The following IGFALS variants were observed in gnomAD, a reference collection of about 807,000 sequenced individuals.
IGFALS encodes the protein insulin-like growth factor-binding protein complex acid labile subunit.
A neutral mutation model predicts 2.6 loss-of-function variants in IGFALS; 2 were observed. That is an observed-to-expected ratio of 0.77 (90% CI 0.32 to 2.44). The LOEUF is 2.44. Among genes scored for constraint, IGFALS ranks in the 30% most tolerant of loss-of-function variants. IGFALS has a pLI of 0.11. For missense variants in IGFALS, 996 were observed against 848.7 expected (o/e 1.17, Z -2.16); for synonymous variants, 519 against 431.9 (o/e 1.20, Z -2.50).
Position 1,792,130 on chromosome 16 carries a change from G to A in IGFALS, c.288C>T (p.Asn96=), listed in dbSNP as rs139691478. 1 of 1,611,528 alleles carries A rather than the reference G, an allele frequency of 6.2e-7. No homozygotes were observed. The highest frequency in any genetic ancestry group is 8.5e-7 in the Non-Finnish European group (1 of 1,179,652). The change falls in exon 2 of 2, where the codon AAC becomes AAT. Residue 96 remains asparagine, a synonymous_variant. Coordinates refer to ENST00000215539, the MANE Select transcript of IGFALS (RefSeq NM_004970.3). ...GGTTGAGGAAGCCCAGGCTGGAGAGGTTCTGGAAGGCTGCCGGGGGGACGG... is the reference window on the plus strand; with the variant it reads ...GGTTGAGGAAGCCCAGGCTGGAGAGATTCTGGAAGGCTGCCGGGGGGACGG... The part of the protein sequence containing the change: ...LSSVPPAAFQ[N]LSSLGFLNLQ...
At chr16:1,793,733 C>T, upstream of IGFALS, 1 of 1,434,378 alleles carries the variant, frequency 7.0e-7, no homozygotes, top group Admixed American at 2.0e-5. Flanking sequence ...TCTGGATTTC[C>T]CCACTGCGGG....
Position 1,792,405 on chromosome 16 carries a change from C to CG in IGFALS, c.17-5dup, listed in dbSNP as rs532488155. On this transcript the variant is annotated splice_polypyrimidine_tract_variant and splice_region_variant and intron_variant, in intron 1 of 1. Coordinates refer to ENST00000215539, the MANE Select transcript of IGFALS (RefSeq NM_004970.3). ...AGCAGCGCCAGGGCCAGGCCTCCTG[C>CG]GGGGGGAGAGGCTTGGGGAGGCGGC... The CG allele has an allele frequency of 4.3e-4, 663 of 1,559,178 alleles. 6 individuals are homozygous for CG. In the African/African-American group the frequency reaches 8.0e-3, roughly 19 times the overall value.
chr16:1,794,465 C>T (rs552914177), upstream of IGFALS, among the ~76,000 whole-genome samples: 6 of 152,278 alleles, frequency 3.9e-5, no homozygotes, highest in Admixed American at 1.3e-4. Flanking sequence ...CCCCAAGGCT[C>T]TGGTGAGGGC....
intron 1 of IGFALS, 154 bp from the exon 2 acceptor site, chr16:1,792,555 G>C (rs771310019): frequency 8.7e-6 from 12 of 1,387,052 alleles, no homozygotes; most frequent in Non-Finnish European, 1.1e-5. Context: ...CAGGTCCTCC[G>C]GCTCAAAAGC....
chr16:1,792,651 T>G, intron 1 of IGFALS: 1 of 536,714 alleles, frequency 1.9e-6, no homozygotes, highest in Non-Finnish European at 2.9e-6. Flanking sequence ...TCTCCAGCTG[T>G]GCGCAGGCCA....
intron 1 of IGFALS, among the ~76,000 whole-genome samples, chr16:1,793,164 C>T (rs1401073076): frequency 6.6e-6 from 1 of 152,206 alleles, no homozygotes; most frequent in East Asian, 1.9e-4. Context: ...GGTGGGGCCC[C>T]CCCGACTGCC....
In IGFALS at chr16:1,790,878, T is replaced by G. The variant is rs767665168; in HGVS notation, c.1540A>C (p.Arg514=). The G allele has an allele frequency of 6.4e-7, 1 of 1,570,736 alleles. No homozygotes were observed. The highest frequency in any genetic ancestry group is 8.6e-7 in the Non-Finnish European group (1 of 1,160,846). ...GTGAAGGTCCGCAGTGAGTTGTTCC[T>G]GAGGCTGAGGTAGCGCAGCCGCCCC... ...PLGRLRYLSL[R]NNSLRTFTPQ... is the part of the protein sequence containing the mutation. The change falls in exon 2 of 2, where the codon AGG becomes CGG. Residue 514 remains arginine (R), a synonymous_variant. Transcript: ENST00000215539.
At chr16:1,792,772 G>A (rs935982946) in intron 1 of IGFALS, among the ~76,000 whole-genome samples, 10 of 152,258 alleles carry the variant, frequency 6.6e-5, no homozygotes, top group African/African-American at 2.4e-4. Context: ...AGGAAGGGGA[G>A]GGAACTGAGC....
chr16:1,790,650 C>T lies in IGFALS; in HGVS notation c.1768G>A (p.Val590Met), dbSNP rs752241793. 5.6e-6 allele frequency: 9 copies of T among 1,593,140 alleles called. No homozygotes were observed. Among genetic ancestry groups the T allele is most frequent in the East Asian group, 2.3e-5 (1 of 43,786 alleles). Reference sequence around the variant, plus strand: ...CTGAGGTCCCGCAGGTCGAGCCCCACGACCTCGGGCGGGCTGGCACAGGTG... The same window carrying T: ...CTGAGGTCCCGCAGGTCGAGCCCCATGACCTCGGGCGGGCTGGCACAGGTG... ...NITCASPPEV[V>M]GLDLRDLSEA... The change falls in exon 2 of 2, where the codon GTG becomes ATG. Residue 590 changes from valine to methionine, a missense_variant. Val to Met is a conservative substitution (Grantham distance 21). Coordinates refer to ENST00000215539, the MANE Select transcript of IGFALS (RefSeq NM_004970.3).
In IGFALS at chr16:1,790,925, G is replaced by A. The variant is rs747856531; in HGVS notation, c.1493C>T (p.Pro498Leu). The A allele has an allele frequency of 1.0e-5, 16 of 1,592,122 alleles. No individual in the cohort carries two copies. The highest frequency in any genetic ancestry group is 1.4e-5 in the Non-Finnish European group (16 of 1,175,824). The change falls in exon 2 of 2, where the codon CCC becomes CTC. Residue 498 changes from proline (P) to leucine (L), a missense_variant. Physicochemically the swap from Pro to Leu is moderately conservative, Grantham distance 98. Coordinates refer to ENST00000215539, the MANE Select transcript of IGFALS (RefSeq NM_004970.3). ...DVSHNRLEAL[P>L]NSLLAPLGRL... The stretch of plus-strand genomic sequence containing the variant: ...CCCCAGTGGTGCCAAGAGGCTGTTG[G>A]GCAATGCCTCCAGGCGGTTGTGCGA...
rs1172999271 is a variant in IGFALS at position 1,793,691 on chromosome 16, G to A, written c.-39C>T. The stretch of plus-strand genomic sequence containing the variant: ...CAGGCTGCAGGCAGGCAGCGAGGGA[G>A]GGTACGTCTGCTGTGCCGGCCACCC... On this transcript the variant is annotated 5_prime_UTR_variant, in exon 1 of 2. Transcript: ENST00000215539. The A allele has an allele frequency of 1.3e-6, 2 of 1,573,052 alleles. No individual in the cohort carries two copies. The highest frequency in any genetic ancestry group is 1.3e-5 in the African/African-American group (1 of 74,156).
chr16:1,790,853 G>T lies in IGFALS; in HGVS notation c.1565C>A (p.Thr522Lys). ...SLRNNSLRTF[T>K]PQPPGLERLW... is the part of the protein sequence containing the mutation. ...GCGCTCCAGGCCCGGGGGCTGCGGCGTGAAGGTCCGCAGTGAGTTGTTCCT... is the reference window on the plus strand; with the variant it reads ...GCGCTCCAGGCCCGGGGGCTGCGGCTTGAAGGTCCGCAGTGAGTTGTTCCT... The change falls in exon 2 of 2, where the codon ACG becomes AAG. Residue 522 changes from threonine (T) to lysine (K), a missense_variant. Transcript: ENST00000215539. The T allele has an allele frequency of 6.4e-7, 1 of 1,566,392 alleles. No homozygotes were observed. The highest frequency in any genetic ancestry group is 8.6e-7 in the Non-Finnish European group (1 of 1,156,974).
chr16:1,792,933 TGGTC>T lies in IGFALS; in HGVS notation c.17-536_17-533del, dbSNP rs1382608320. ...GTCTCACCTGCCTGCATCCAGGCCT[TGGTC>T]GGGTGCTGCGGGAGGGGACCGGGGC... On this transcript the variant is annotated intron_variant, in intron 1 of 1. Coordinates refer to ENST00000215539, the MANE Select transcript of IGFALS (RefSeq NM_004970.3). Among the ~76,000 whole-genome samples, 3 of 152,302 alleles carry T rather than the reference TGGTC, an allele frequency of 2.0e-5. No individual in the cohort carries two copies. The East Asian group carries it at 5.8e-4, about 30-fold the overall frequency.
chr16:1,791,717 T>C lies in IGFALS; in HGVS notation c.701A>G (p.Lys234Arg), dbSNP rs776445179. 1.3e-6 allele frequency: 2 copies of C among 1,564,046 alleles called. No homozygotes were observed. Among genetic ancestry groups the C allele is most frequent in the South Asian group, 2.3e-5 (2 of 85,732 alleles). The stretch of plus-strand genomic sequence containing the variant: ...GGGCAGCTGCACGAACACGTTTGCC[T>C]TGATGGCCCGCAGCGCGTTCCTGCT... ...DLSRNALRAIKANVFVQLPRL... is the reference protein window; with the variant it reads ...DLSRNALRAIRANVFVQLPRL... The change falls in exon 2 of 2, where the codon AAG (lysine) becomes AGG (arginine). Residue 234 changes from lysine (K) to arginine (R), a missense_variant. By Grantham distance (26) the Lys-to-Arg change is conservative (BLOSUM62 2). Coordinates refer to ENST00000215539, the MANE Select transcript of IGFALS (RefSeq NM_004970.3).
In IGFALS at chr16:1,790,857, A is replaced by G; in HGVS notation, c.1561T>C (p.Phe521Leu). The change falls in exon 2 of 2, where the codon TTC becomes CTC. Residue 521 changes from phenylalanine (F) to leucine (L), a missense_variant. Transcript: ENST00000215539. ...TCCAGGCCCGGGGGCTGCGGCGTGA[A>G]GGTCCGCAGTGAGTTGTTCCTGAGG... ...LSLRNNSLRTFTPQPPGLERL... is the reference protein window; with the variant it reads ...LSLRNNSLRTLTPQPPGLERL... The G allele has an allele frequency of 6.4e-7, 1 of 1,567,208 alleles. No homozygotes were observed. The highest frequency in any genetic ancestry group is 1.2e-5 in the South Asian group (1 of 85,984).
intron 1 of IGFALS, 37 bp downstream of exon 1, chr16:1,793,600 C>T (rs1897277645): frequency 3.2e-6 from 5 of 1,586,880 alleles, no homozygotes; most frequent in African/African-American, 1.3e-5. Context: ...AGACTGGCCA[C>T]CCCTAGAGTG....
Position 1,791,534 on chromosome 16 carries a change from A to C in IGFALS, c.884T>G (p.Leu295Arg). 6.3e-7 allele frequency: 1 copy of C among 1,588,570 alleles called. No homozygotes were observed. Among genetic ancestry groups the C allele is most frequent in the Non-Finnish European group, 8.6e-7 (1 of 1,168,892 alleles). Residue 295 changes from leucine (L) to arginine (R), a missense_variant, in exon 2 of 2, where the codon CTG becomes CGG. Transcript: ENST00000215539. ...GGCGATGGCGTTGTGGGACAGCCGC[A>C]GCACACGCAGGCCCAGCAGACCGGG... ...TFPGLLGLRVLRLSHNAIASL... is the reference protein window; with the variant it reads ...TFPGLLGLRVRRLSHNAIASL...
intron 1 of IGFALS, among the ~76,000 whole-genome samples, chr16:1,793,204 G>C (rs1031608952): frequency 2.0e-5 from 3 of 152,208 alleles, no homozygotes; most frequent in Non-Finnish European, 1.5e-5. Flanking sequence ...GGAGTGGCCT[G>C]AGCCAGCTCT....
Position 1,790,815 on chromosome 16 carries a change from C to A in IGFALS, c.1603G>T (p.Gly535Cys), listed in dbSNP as rs576561125. ...GGGCAGCCACAGTCCCAGGGGTTACCCTCCAGCCACAGGCGCTCCAGGCCC... is the reference window on the plus strand; with the variant it reads ...GGGCAGCCACAGTCCCAGGGGTTACACTCCAGCCACAGGCGCTCCAGGCCC... ...PPGLERLWLE[G>C]NPWDCGCPLK... is the part of the protein sequence containing the mutation. Residue 535 changes from glycine to cysteine, a missense_variant, in exon 2 of 2, where the codon GGT (glycine) becomes TGT (cysteine). By Grantham distance (159) the Gly-to-Cys change is radical. Transcript: ENST00000215539. 1 of 1,569,030 alleles carries A rather than the reference C, an allele frequency of 6.4e-7. No homozygotes were observed. Among genetic ancestry groups the A allele is most frequent in the Admixed American group, 1.9e-5 (1 of 52,794 alleles).
Sources: allele counts gnomAD v4.1 joint callset (sites outside exome capture counted in the v4.1 genomes callset), GRCh38; gene constraint gnomAD v4.1.1; transcripts MANE v1.5; gene names NCBI Gene and HGNC (gene_info 2026-07-23, HGNC 2026-07-21).